The following DTNBP1 variants were observed in gnomAD, a reference collection of about 807,000 sequenced individuals.
DTNBP1 encodes dysbindin.
In DTNBP1, 35 loss-of-function variants were observed where a neutral mutation model predicts 42.8. The observed-to-expected ratio is 0.82, with a 90% CI of 0.63 to 1.09. DTNBP1 has a LOEUF of 1.09. DTNBP1 is among the 50% of genes least tolerant of loss of function. The pLI is 0.00. For synonymous variants in DTNBP1, 171 were observed against 162.2 expected (o/e 1.05, Z -0.41); for missense variants, 457 against 424.2 (o/e 1.08, Z -0.68).
intron 7 of DTNBP1, among the ~76,000 whole-genome samples, chr6:15,564,493 T>C (rs761770972): frequency 1.3e-5 from 2 of 152,120 alleles, no homozygotes; most frequent in South Asian, 2.1e-4. Flanking sequence ...CTGCAGCCTC[T>C]GCCTCCTGGG....
At chr6:15,662,594 G>C (rs1761711711) in intron 1 of DTNBP1, among the ~76,000 whole-genome samples, 1 of 152,078 alleles carries the variant, frequency 6.6e-6, no homozygotes, top group African/African-American at 2.4e-5. Context: ...CCGGTCCTGG[G>C]GGGTGCGCGT....
chr6:15,627,497 G>A (rs1562000159), intron 4 of DTNBP1, 22 bp from the exon 5 acceptor site: 12 of 1,613,370 alleles, frequency 7.4e-6, no homozygotes, highest in African/African-American at 1.3e-5. Flanking sequence ...AAGAAGGGGG[G>A]TAAAGTGAAA....
intron 2 of DTNBP1, among the ~76,000 whole-genome samples, chr6:15,651,594 A>G (rs1581438187): frequency 1.3e-5 from 2 of 152,178 alleles, no homozygotes; most frequent in Admixed American, 6.5e-5. Flanking sequence ...ACAATAAATT[A>G]TTTAATATAA....
chr6:15,561,052 G>A (rs1051830068), intron 7 of DTNBP1, among the ~76,000 whole-genome samples: 1 of 152,186 alleles, frequency 6.6e-6, no homozygotes, highest in African/African-American at 2.4e-5. Context: ...GAAAAACTAT[G>A]TTTCAATAAC....
chr6:15,614,136 A>T (rs564223471), intron 6 of DTNBP1, among the ~76,000 whole-genome samples: 9 of 152,280 alleles, frequency 5.9e-5, no homozygotes, highest in African/African-American at 2.2e-4. Context: ...GTGTTCTAAA[A>T]TACTCATTTC....
chr6:15,541,010 G>C (rs755734979), intron 7 of DTNBP1, among the ~76,000 whole-genome samples: 7 of 152,120 alleles, frequency 4.6e-5, no homozygotes, highest in Middle Eastern at 3.4e-3. Flanking sequence ...TTCCTCACTA[G>C]GTATCTGAAA....
intron 7 of DTNBP1, among the ~76,000 whole-genome samples, chr6:15,577,987 G>A (rs1266578244): frequency 6.6e-6 from 1 of 152,210 alleles, no homozygotes; most frequent in Non-Finnish European, 1.5e-5. Context: ...AAGGGATTAA[G>A]GAAAAGAATA....
At chr6:15,622,535 T>C (rs923108892) in intron 5 of DTNBP1, among the ~76,000 whole-genome samples, 5 of 152,216 alleles carry the variant, frequency 3.3e-5, no homozygotes, top group African/African-American at 1.2e-4. Flanking sequence ...CAAAACAAGT[T>C]GCATATATGA....
At chr6:15,601,398 C>A (rs932927729) in intron 6 of DTNBP1, among the ~76,000 whole-genome samples, 2 of 152,066 alleles carry the variant, frequency 1.3e-5, no homozygotes, top group African/African-American at 4.8e-5. Flanking sequence ...CCAAACTAGT[C>A]CAATGTTAAG....
At chr6:15,569,106 C>A (rs987523817) in intron 7 of DTNBP1, among the ~76,000 whole-genome samples, 1 of 152,200 alleles carries the variant, frequency 6.6e-6, no homozygotes, top group African/African-American at 2.4e-5. Context: ...TCAGGCTGCA[C>A]TTTGACCCAC....
intron 7 of DTNBP1, among the ~76,000 whole-genome samples, chr6:15,581,488 T>G (rs1177680602): frequency 1.4e-5 from 2 of 146,008 alleles, no homozygotes; most frequent in Non-Finnish European, 1.5e-5. Context: ...GTTTTTTTTT[T>G]TTTTTTTTTT....
chr6:15,605,011 G>A lies in DTNBP1; in HGVS notation c.488+10256C>T, dbSNP rs566622216. 3.9e-5 allele frequency among the ~76,000 whole-genome samples: 6 copies of A among 152,238 alleles called. No individual in the cohort carries two copies. In the East Asian group the frequency reaches 1.2e-3, roughly 29 times the overall value. ...GGTTTCGAGTCCAACAGAAGACTAT[G>A]TTAAAATTATGAGTCACTTATAATT... On this transcript the variant is annotated intron_variant, in intron 6 of 9. Transcript: ENST00000344537.
intron 4 of DTNBP1, among the ~76,000 whole-genome samples, chr6:15,632,938 T>C (rs1225225845): frequency 6.6e-6 from 1 of 152,234 alleles, no homozygotes; most frequent in African/African-American, 2.4e-5. Context: ...CAAATATCAA[T>C]AGCAAGTTTT....
At chr6:15,546,123 T>C (rs9349981) in intron 7 of DTNBP1, 187,260 of 387,958 alleles carry the variant, frequency 0.48, 47,219 homozygotes, top group East Asian at 0.66. Context: ...TGGAGTGCAA[T>C]GGTGCGATCT....
Position 15,662,966 on chromosome 6 carries a change from CGCCCCGCACTCCCACTACCG to C in DTNBP1, c.-117_-98del, listed in dbSNP as rs1225233457. ...CCGCCAACCCCGCGCTGTCACCGCG[CGCCCCGCACTCCCACTACCG>C]GCCCCGCCCCCGGTCTGGTCCTCGC... On this transcript the variant is annotated 5_prime_UTR_variant, in exon 1 of 10. Coordinates refer to ENST00000344537, the MANE Select transcript of DTNBP1 (RefSeq NM_032122.5). 6.5e-7 allele frequency: 1 copy of C among 1,541,382 alleles called. No homozygotes were observed. Among genetic ancestry groups the C allele is most frequent in the Admixed American group, 1.7e-5 (1 of 58,768 alleles).
At chr6:15,564,378 A>T (rs1193944150) in intron 7 of DTNBP1, among the ~76,000 whole-genome samples, 1 of 152,122 alleles carries the variant, frequency 6.6e-6, no homozygotes, top group Non-Finnish European at 1.5e-5. Context: ...CAAACCAATT[A>T]AGAAGCAGAC....
chr6:15,624,846 TTAAAACAC>T (rs1462193536), intron 5 of DTNBP1, among the ~76,000 whole-genome samples: 3 of 152,124 alleles, frequency 2.0e-5, no homozygotes, highest in Non-Finnish European at 4.4e-5. Flanking sequence ...GAGTAAGCAT[TTAAAACAC>T]TAAATGTTTC....
chr6:15,543,950 T>C (rs773649561), intron 7 of DTNBP1, among the ~76,000 whole-genome samples: 16 of 152,322 alleles, frequency 1.1e-4, no homozygotes, highest in South Asian at 4.1e-4. Flanking sequence ...CCCTTCCTTG[T>C]CTGGTGTGCT....
At chr6:15,557,300 T>C (rs74487051) in intron 7 of DTNBP1, among the ~76,000 whole-genome samples, 8,729 of 151,304 alleles carry the variant, frequency 0.058, 392 homozygotes, top group African/African-American at 0.12. Flanking sequence ...TGTTTTAAGT[T>C]AGATATGATA....
Sources: gnomAD v4.1 joint callset for allele counts (sites outside exome capture counted in the v4.1 genomes callset) on GRCh38, gnomAD v4.1.1 for gene constraint, MANE v1.5 for transcripts, NCBI Gene and HGNC (gene_info 2026-07-23, HGNC 2026-07-21) for gene names.